Variants in ZNF8 observed in about 807,000 individuals in gnomAD.
ZNF8 encodes zinc finger protein 272.
In ZNF8, 9 loss-of-function variants were observed where a neutral mutation model predicts 12.2. The observed-to-expected ratio is 0.73, with a 90% CI of 0.44 to 1.28. The LOEUF is 1.28. Among genes scored for constraint, ZNF8 ranks in the 50% most tolerant of loss-of-function variants. The pLI, the probability that ZNF8 is intolerant of heterozygous loss-of-function variation, is 0.00. For missense variants in ZNF8, 664 were observed against 729.1 expected, an observed-to-expected ratio of 0.91 and a Z score of 1.03; for synonymous variants, 274 against 282.3, an observed-to-expected ratio of 0.97 and a Z score of 0.30.
In ZNF8 at chr19:58,295,669, C is replaced by G; in HGVS notation, c.*133C>G. 1.2e-6 allele frequency: 1 copy of G among 804,448 alleles called. No homozygotes were observed. The highest frequency in any genetic ancestry group is 1.9e-6 in the Non-Finnish European group (1 of 515,758). 49.8% of individuals were successfully genotyped at this position (804,448 alleles called of 1,614,324 possible). Reference sequence around the variant, plus strand: ...CTGACTTTCTAAGGAAATGATGCTTCCCAAGCACCCGAGGTTGGTTGGTCC... The same window carrying G: ...CTGACTTTCTAAGGAAATGATGCTTGCCAAGCACCCGAGGTTGGTTGGTCC... On this transcript the variant is annotated 3_prime_UTR_variant, in exon 4 of 4. Transcript: ENST00000621650.
chr19:58,286,427 T>C (rs2051384079), intron 3 of ZNF8: 1 of 435,414 alleles, frequency 2.3e-6, no homozygotes, highest in Non-Finnish European at 4.2e-6. Context: ...GGCATGAGCC[T>C]CCAGAGTCCC....
chr19:58,281,207 A>T (rs905204541), intron 1 of ZNF8, among the ~76,000 whole-genome samples: 1 of 152,154 alleles, frequency 6.6e-6, no homozygotes, highest in Non-Finnish European at 1.5e-5. Context: ...AAATCCACTT[A>T]TGCATTAGGG....
At chr19:58,284,275 A>G (rs556824754) in intron 1 of ZNF8, among the ~76,000 whole-genome samples, 22 of 152,330 alleles carry the variant, frequency 1.4e-4, no homozygotes, top group African/African-American at 5.3e-4. Flanking sequence ...TGTTACAGCA[A>G]CAGAAAATAT....
At position 58,295,576 on chromosome 19, in the gene ZNF8, A is replaced by G; in HGVS notation, c.*40A>G. ...TGATGACTTTTAACCACAAGTAAAAAATGTGGTAAGTCCACATAGTGTACT... is the reference window on the plus strand; with the variant it reads ...TGATGACTTTTAACCACAAGTAAAAGATGTGGTAAGTCCACATAGTGTACT... On this transcript the variant is annotated 3_prime_UTR_variant, in exon 4 of 4. Coordinates refer to ENST00000621650, the MANE Select transcript of ZNF8 (RefSeq NM_021089.3). The G allele has an allele frequency of 6.6e-7, 1 of 1,504,190 alleles. No homozygotes were observed. The allele number at this position is 1,504,190 out of a possible 1,614,324, so 93.2% of individuals were successfully genotyped here. A position where few individuals can be genotyped will look rare whatever the true frequency, so the allele number is the denominator to read the frequency against.
At chr19:58,287,484 C>T (rs1309759708) in intron 3 of ZNF8, among the ~76,000 whole-genome samples, 3 of 151,474 alleles carry the variant, frequency 2.0e-5, no homozygotes, top group African/African-American at 7.3e-5. Flanking sequence ...AGGTGTGTAC[C>T]CCCACACCTG....
At position 58,301,398 on chromosome 19, in the gene ZNF8, A is replaced by G. The variant is rs1452224427; in HGVS notation, c.*5862A>G. On this transcript the variant is annotated 3_prime_UTR_variant, in exon 4 of 4. Coordinates refer to ENST00000621650, the MANE Select transcript of ZNF8 (RefSeq NM_021089.3). ...AGTGCAGGATGGCCCTAAGAGGAGA[A>G]GTAATGTGCTACCAAGTGGCCCAGC... 1 of 152,258 alleles carries G rather than the reference A, an allele frequency of 6.6e-6. No individual in the cohort carries two copies. Among genetic ancestry groups the G allele is most frequent in the Admixed American group, 6.5e-5 (1 of 15,280 alleles). The allele number at this position is 152,258 out of a possible 1,614,324, so 9.4% of individuals were successfully genotyped here.
In ZNF8 at chr19:58,294,174, G is replaced by C; in HGVS notation, c.366G>C (p.Thr122=). 2.5e-6 allele frequency: 4 copies of C among 1,613,986 alleles called. No homozygotes were observed. Among genetic ancestry groups the C allele is most frequent in the Non-Finnish European group, 2.5e-6 (3 of 1,179,876 alleles). ...CTGAAGAGGAGCCATCCCATGTCACGGGAAGGGAAGGATTCCCGACAGATG... is the reference window on the plus strand; with the variant it reads ...CTGAAGAGGAGCCATCCCATGTCACCGGAAGGGAAGGATTCCCGACAGATG... The part of the protein sequence containing the change: ...GLPEEEPSHV[T]GREGFPTDAP... The change falls in exon 4 of 4, where the codon ACG becomes ACC. Residue 122 remains threonine (T), a synonymous_variant. Transcript: ENST00000621650. The surrounding 1 kb of genome is among the most constrained non-coding windows in gnomAD (Gnocchi z 5.5).
intron 3 of ZNF8, among the ~76,000 whole-genome samples, chr19:58,293,785 C>G (rs1464649241): frequency 6.6e-6 from 1 of 152,190 alleles, no homozygotes; most frequent in Non-Finnish European, 1.5e-5. Flanking sequence ...CTGCCAACAC[C>G]TTGATTTTAG....
chr19:58,286,088 C>G (rs1450050964), intron 2 of ZNF8, 22 bp from the exon 3 acceptor site: 5 of 1,611,232 alleles, frequency 3.1e-6, no homozygotes, highest in African/African-American at 1.3e-5. Context: ...CCCTCACCTC[C>G]TGTGTTTTTC....
chr19:58,292,362 T>C (rs1258257562), intron 3 of ZNF8, among the ~76,000 whole-genome samples: 1 of 152,112 alleles, frequency 6.6e-6, no homozygotes, highest in Non-Finnish European at 1.5e-5. Flanking sequence ...CCTTCCTCAA[T>C]TGCAGAAGGC....
chr19:58,294,999 C>A lies in ZNF8; in HGVS notation c.1191C>A (p.Tyr397Ter). 1 of 1,614,068 alleles carries A rather than the reference C, an allele frequency of 6.2e-7. No individual in the cohort carries two copies. The highest frequency in any genetic ancestry group is 8.5e-7 in the Non-Finnish European group (1 of 1,179,954). ...GAACTCACACCGAGGAGAGGCCCTA[C>A]GAGTGTAACCACTGCGGGAAGGGCT... is the stretch of plus-strand genomic sequence containing the variant. ...HLRTHTEERP[Y>*]ECNHCGKGFR... is the part of the protein sequence containing the mutation. The change falls in exon 4 of 4, where the codon TAC becomes TAA. Residue 397 changes from tyrosine to a stop codon, truncating the protein, a stop_gained. Coordinates refer to ENST00000621650, the MANE Select transcript of ZNF8 (RefSeq NM_021089.3). LOFTEE classifies it low-confidence loss of function (END_TRUNC). This position sits in a 1 kb window ranked among gnomAD's most constrained non-coding sequence, Gnocchi z 5.5.
chr19:58,294,133 A>G lies in ZNF8; in HGVS notation c.325A>G (p.Lys109Glu). The stretch of plus-strand genomic sequence containing the variant: ...TCGATCTGAAAGCCAAGCATCACGC[A>G]AGGAAGAGGGCCTGCCTGAAGAGGA... ...EPRSESQASR[K>E]EEGLPEEEPS... The change falls in exon 4 of 4, where the codon AAG (lysine) becomes GAG (glutamate). Residue 109 changes from lysine to glutamate, a missense_variant. By Grantham distance (56) the Lys-to-Glu change is moderately conservative. Coordinates refer to ENST00000621650, the MANE Select transcript of ZNF8 (RefSeq NM_021089.3). This position sits in a 1 kb window ranked among gnomAD's most constrained non-coding sequence, Gnocchi z 5.5. The G allele has an allele frequency of 6.2e-7, 1 of 1,606,530 alleles. No homozygotes were observed. The highest frequency in any genetic ancestry group is 8.5e-7 in the Non-Finnish European group (1 of 1,173,814).
intron 3 of ZNF8, among the ~76,000 whole-genome samples, chr19:58,287,337 C>CTTTTTTTT (rs35511685): frequency 1.7e-5 from 2 of 117,802 alleles, no homozygotes; most frequent in Non-Finnish European, 1.7e-5. Flanking sequence ...CCATGCCCAG[C>CTTTTTTTT]TTTTTTTTTT....
chr19:58,288,363 C>G (rs1320708080), intron 3 of ZNF8, among the ~76,000 whole-genome samples: 1 of 152,150 alleles, frequency 6.6e-6, no homozygotes, highest in Non-Finnish European at 1.5e-5. Context: ...CTGTGATTTT[C>G]CCAGGCTGTC....
chr19:58,295,020 G>T lies in ZNF8; in HGVS notation c.1212G>T (p.Lys404Asn). 6.2e-7 allele frequency: 1 copy of T among 1,614,094 alleles called. No homozygotes were observed. Among genetic ancestry groups the T allele is most frequent in the Non-Finnish European group, 8.5e-7 (1 of 1,179,982 alleles). Residue 404 changes from lysine to asparagine, a missense_variant, in exon 4 of 4, where the codon AAG becomes AAT. This residue lies in a region of ZNF8 where 225 missense variants were observed against 222.0 expected (regional missense o/e 1.01). Transcript: ENST00000621650. The stretch of plus-strand genomic sequence containing the variant: ...CCTACGAGTGTAACCACTGCGGGAA[G>T]GGCTTCAGGCACAGCTCATCCCTGG... ...ERPYECNHCG[K>N]GFRHSSSLAQ...
chr19:58,284,933 G>A (rs1373321244), intron 1 of ZNF8, among the ~76,000 whole-genome samples: 1 of 152,142 alleles, frequency 6.6e-6, no homozygotes, highest in Non-Finnish European at 1.5e-5. Context: ...AAAGGGACCT[G>A]TATTTTCCCG....
rs1293961217 is a variant in ZNF8 at position 58,295,685 on chromosome 19, T to C, written c.*149T>C. On this transcript the variant is annotated 3_prime_UTR_variant, in exon 4 of 4. Transcript: ENST00000621650. The stretch of plus-strand genomic sequence containing the variant: ...ATGATGCTTCCCAAGCACCCGAGGT[T>C]GGTTGGTCCCAAATCTATCAAACTC... The C allele has an allele frequency of 4.2e-6, 3 of 706,462 alleles. No individual in the cohort carries two copies. In the Admixed American group the frequency reaches 8.9e-5, roughly 21 times the overall value. 43.8% of individuals were successfully genotyped at this position (706,462 alleles called of 1,614,324 possible).
chr19:58,279,834 C>A, intron 1 of ZNF8: 3 of 1,386,994 alleles, frequency 2.2e-6, no homozygotes, highest in Non-Finnish European at 2.9e-6. Context: ...TGGCAGGAAA[C>A]AACAATAATT....
At chr19:58,280,041 A>T (rs916594933) in intron 1 of ZNF8, 1 of 396,110 alleles carries the variant, frequency 2.5e-6, no homozygotes, top group South Asian at 2.2e-5. Context: ...CTTGCTGTGG[A>T]TGGGGGACAA....
Sources: gnomAD v4.1 joint callset for allele counts (sites outside exome capture counted in the v4.1 genomes callset) on GRCh38, gnomAD v4.1.1 for gene constraint, gnomAD v4.1.1 regional missense constraint, Gnocchi (gnomAD v3.1) non-coding constraint, MANE v1.5 for transcripts, NCBI Gene and HGNC (gene_info 2026-07-23, HGNC 2026-07-21) for gene names.